CNTNAP2: variants seen among roughly 807,000 people sequenced by gnomAD.
CNTNAP2 encodes contactin associated protein 2, also known as contactin-associated protein-like 2.
Under a neutral mutation model 155.2 loss-of-function variants are expected in CNTNAP2, and 98 were observed. That is an observed-to-expected ratio of 0.63 (90% CI 0.54 to 0.75). The LOEUF is 0.75. Among genes scored for constraint, CNTNAP2 ranks in the 30% least tolerant of loss-of-function variants. The probability of loss-of-function intolerance (pLI) is 0.00; values close to 1 mark genes in which losing one functional copy is unlikely to be tolerated. For synonymous variants in CNTNAP2, 651 were observed against 631.2 expected (o/e 1.03, Z -0.47); for missense variants, 1,727 against 1,688.1 (o/e 1.02, Z -0.40).
chr7:146,343,642 AATTT>A (rs1408188509), intron 1 of CNTNAP2, among the ~76,000 whole-genome samples: 16 of 152,188 alleles, frequency 1.1e-4, no homozygotes, highest in Admixed American at 2.6e-4. Flanking sequence ...TAAAAATATG[AATTT>A]ATTTAAGACA....
intron 11 of CNTNAP2, among the ~76,000 whole-genome samples, chr7:147,515,626 T>A (rs1055590401): frequency 6.6e-6 from 1 of 152,150 alleles, no homozygotes; most frequent in Non-Finnish European, 1.5e-5. Flanking sequence ...CAGCCCATTA[T>A]ATTCTAATAT....
chr7:147,153,675 A>G lies in CNTNAP2; in HGVS notation c.1348+21166A>G, dbSNP rs1285351893. 5.3e-5 allele frequency among the ~76,000 whole-genome samples: 8 copies of G among 152,198 alleles called. No individual in the cohort carries two copies. In the East Asian group the frequency reaches 1.5e-3, roughly 29 times the overall value. On this transcript the variant is annotated intron_variant, in intron 8 of 23. Transcript: ENST00000361727. ...GTAACAGAAGAAACATAATGCAGTG[A>G]ACAGCGCATGTAAGGCTGAGCACAC...
chr7:147,194,091 C>A (rs1802735398), intron 8 of CNTNAP2, among the ~76,000 whole-genome samples: 1 of 151,842 alleles, frequency 6.6e-6, no homozygotes, highest in South Asian at 2.1e-4. Context: ...GACCCCCCAC[C>A]CCCCAACAGG....
intron 15 of CNTNAP2, among the ~76,000 whole-genome samples, chr7:148,085,081 C>T (rs1388084984): frequency 6.6e-6 from 1 of 152,244 alleles, no homozygotes; most frequent in African/African-American, 2.4e-5. Context: ...ATTAATGCTC[C>T]CAGGTACACA....
At chr7:147,137,908 GATA>G (rs1801518824) in intron 8 of CNTNAP2, among the ~76,000 whole-genome samples, 2 of 132,012 alleles carry the variant, frequency 1.5e-5, no homozygotes, top group South Asian at 2.8e-4. Context: ...TAGATAGATA[GATA>G]GATAGGTAGA....
At chr7:148,206,434 A>ATAC (rs899635923) in intron 18 of CNTNAP2, among the ~76,000 whole-genome samples, 158 of 152,164 alleles carry the variant, frequency 1.0e-3, no homozygotes, top group African/African-American at 3.4e-3. Context: ...GGAGTTATTC[A>ATAC]TACTATTTTT....
In CNTNAP2 at chr7:148,383,505, C is replaced by T. The variant is rs1637842; in HGVS notation, c.3476-144C>T. The T allele has an allele frequency of 0.77, 888,692 of 1,157,348 alleles. 344,772 individuals are homozygous for T. Among genetic ancestry groups the T allele is most frequent in the Admixed American group, 0.82 (40,847 of 49,782 alleles). The allele number at this position is 1,157,348 out of a possible 1,614,324, so 71.7% of individuals were successfully genotyped here. On this transcript the variant is annotated intron_variant, in intron 21 of 23. Transcript: ENST00000361727. ...GTATGCAGCCCTAAATCTTATCGAC[C>T]CATTAATATTTCATCCAAAACAATG...
intron 1 of CNTNAP2, among the ~76,000 whole-genome samples, chr7:146,280,348 T>C (rs2129084741): frequency 6.6e-6 from 1 of 152,300 alleles, no homozygotes; most frequent in South Asian, 2.1e-4. Flanking sequence ...TTATTTTCTT[T>C]CCTACTTTCT....
At chr7:146,897,372 C>T (rs1320582922) in intron 3 of CNTNAP2, among the ~76,000 whole-genome samples, 1 of 152,056 alleles carries the variant, frequency 6.6e-6, no homozygotes, top group South Asian at 2.1e-4. Flanking sequence ...TTAGGAAAAT[C>T]CTGATATCAG....
chr7:148,190,692 C>T (rs1433867412), intron 18 of CNTNAP2: 2 of 152,060 alleles, frequency 1.3e-5, no homozygotes, highest in African/African-American at 4.8e-5. Flanking sequence ...CAGTCCAAGT[C>T]TTAAGGCCAC....
At chr7:146,835,155 T>G (rs1033719489) in intron 2 of CNTNAP2, among the ~76,000 whole-genome samples, 6 of 152,224 alleles carry the variant, frequency 3.9e-5, no homozygotes. Context: ...AGTAATGAGA[T>G]AAATGGGATT....
intron 1 of CNTNAP2, among the ~76,000 whole-genome samples, chr7:146,134,285 G>T (rs1449064140): frequency 6.7e-6 from 1 of 148,154 alleles, no homozygotes; most frequent in Non-Finnish European, 1.5e-5. Flanking sequence ...TGCTGAAGTT[G>T]CTTATCAGCT....
intron 13 of CNTNAP2, among the ~76,000 whole-genome samples, chr7:147,754,890 G>T (rs1343511612): frequency 6.6e-6 from 1 of 152,068 alleles, no homozygotes; most frequent in Non-Finnish European, 1.5e-5. Flanking sequence ...CAACTCTTTT[G>T]CATGCTTAGA....
intron 21 of CNTNAP2, among the ~76,000 whole-genome samples, chr7:148,276,160 C>T (rs1209205332): frequency 6.6e-6 from 1 of 152,152 alleles, no homozygotes; most frequent in Non-Finnish European, 1.5e-5. Flanking sequence ...CCCACTTTTA[C>T]TCTAAAAATA....
chr7:147,135,484 T>C (rs1417215382), intron 8 of CNTNAP2, among the ~76,000 whole-genome samples: 2 of 151,858 alleles, frequency 1.3e-5, no homozygotes, highest in Non-Finnish European at 2.9e-5. Flanking sequence ...TGAATACATA[T>C]TTAGGCATTA....
chr7:148,327,854 C>T (rs890579503), intron 21 of CNTNAP2, among the ~76,000 whole-genome samples: 2 of 152,186 alleles, frequency 1.3e-5, no homozygotes, highest in Non-Finnish European at 2.9e-5. Flanking sequence ...GCACCGCCCC[C>T]ACCCCTTTCT....
chr7:147,940,303 T>TAAAAAAAAAAAAAAAAAA (rs59484615), intron 14 of CNTNAP2: 10 of 91,692 alleles, frequency 1.1e-4, no homozygotes, highest in African/African-American at 3.8e-4. Context: ...CCTGTCTCTT[T>TAAAAAAAAAAAAAAAAAA]AAAAAAAAAA....
intron 1 of CNTNAP2, among the ~76,000 whole-genome samples, chr7:146,548,869 C>A (rs1050791583): frequency 2.1e-5 from 3 of 145,028 alleles, no homozygotes; most frequent in African/African-American, 7.7e-5. Flanking sequence ...TGATATATTC[C>A]CAGTTGTCTA....
intron 1 of CNTNAP2, among the ~76,000 whole-genome samples, chr7:146,362,457 C>A (rs1314823315): frequency 6.6e-6 from 1 of 152,062 alleles, no homozygotes; most frequent in Non-Finnish European, 1.5e-5. Context: ...ACGCTTCATC[C>A]CGAAGAGTGT....
Sources: allele counts gnomAD v4.1 joint callset (sites outside exome capture counted in the v4.1 genomes callset), GRCh38; gene constraint gnomAD v4.1.1; transcripts MANE v1.5; gene names NCBI Gene and HGNC (gene_info 2026-07-23, HGNC 2026-07-21).